Variants in SLIT2 observed in about 807,000 individuals in gnomAD.
SLIT2 encodes the protein slit homolog 2 protein.
Under a neutral mutation model 185.7 loss-of-function variants are expected in SLIT2, and 41 were observed. The ratio of observed to expected loss-of-function variants is 0.22; its 90% CI spans 0.17 to 0.29. The LOEUF (loss-of-function observed/expected upper bound fraction) is 0.29. Among genes scored for constraint, SLIT2 ranks in the 10% least tolerant of loss-of-function variants. The pLI, the probability that SLIT2 is intolerant of heterozygous loss-of-function variation, is 1.00. For synonymous variants in SLIT2, 693 were observed against 680.2 expected (o/e 1.02, Z -0.29); for missense variants, 1,571 against 1,909.0 (o/e 0.82, Z 3.30).
At chr4:20,297,654 G>A (rs2109097681) in intron 4 of SLIT2, among the ~76,000 whole-genome samples, 1 of 151,116 alleles carries the variant, frequency 6.6e-6, no homozygotes, top group Middle Eastern at 3.4e-3. Flanking sequence ...GTTAAGAGAT[G>A]CAATATGTAT....
chr4:20,608,010 A>G (rs1728920725), intron 33 of SLIT2, among the ~76,000 whole-genome samples: 1 of 152,172 alleles, frequency 6.6e-6, no homozygotes, highest in African/African-American at 2.4e-5. Flanking sequence ...ACATTATCTT[A>G]CAATCAATAT....
intron 4 of SLIT2, among the ~76,000 whole-genome samples, chr4:20,352,210 T>C (rs116396123): frequency 0.011 from 1,627 of 152,304 alleles, 8 homozygotes; most frequent in Middle Eastern, 0.027. Flanking sequence ...GAACTTAAAA[T>C]CATCACTGTA....
At chr4:20,414,040 CTT>C (rs1172852720) in intron 4 of SLIT2, among the ~76,000 whole-genome samples, 6 of 152,052 alleles carry the variant, frequency 3.9e-5, no homozygotes, top group Non-Finnish European at 8.8e-5. Context: ...GTTTTTCTCT[CTT>C]ATTGCTTCCA....
intron 4 of SLIT2, among the ~76,000 whole-genome samples, chr4:20,384,873 G>T (rs981423968): frequency 1.3e-5 from 2 of 152,146 alleles, no homozygotes; most frequent in African/African-American, 4.8e-5. Flanking sequence ...AGACTCAAGG[G>T]CCTGAGACAC....
intron 4 of SLIT2, among the ~76,000 whole-genome samples, chr4:20,371,869 A>G (rs1315385241): frequency 6.6e-6 from 1 of 151,960 alleles, no homozygotes; most frequent in African/African-American, 2.4e-5. Flanking sequence ...TAATTTGGTG[A>G]TTATCCATTT....
At chr4:20,552,942 A>C (rs973500828) in intron 25 of SLIT2, among the ~76,000 whole-genome samples, 8 of 152,204 alleles carry the variant, frequency 5.3e-5, no homozygotes, top group African/African-American at 1.9e-4. Flanking sequence ...ACTATTTAGG[A>C]TAAAATGAAG....
Position 20,382,642 on chromosome 4 carries a change from G to A in SLIT2, c.396-85110G>A, listed in dbSNP as rs1038841799. ...TGAACACTGAAAACAGCATTGCTGC[G>A]AAAGGTTAGAAAAGTTTCAAATAAA... On this transcript the variant is annotated intron_variant, in intron 4 of 36. Coordinates refer to ENST00000504154, the MANE Select transcript of SLIT2 (RefSeq NM_004787.4). Among the ~76,000 whole-genome samples, 10 of 152,036 alleles carry A rather than the reference G, an allele frequency of 6.6e-5. No individual in the cohort carries two copies. The East Asian group carries it at 7.7e-4, about 12-fold the overall frequency.
At chr4:20,542,294 A>G (rs1311197995) in intron 20 of SLIT2, among the ~76,000 whole-genome samples, 200 bp from the exon 21 acceptor site, 1 of 152,210 alleles carries the variant, frequency 6.6e-6, no homozygotes, top group African/African-American at 2.4e-5. Flanking sequence ...GCCATTTTCC[A>G]GAATTCTTCC....
chr4:20,255,934 T>C (rs1711776863), intron 1 of SLIT2, among the ~76,000 whole-genome samples: 2 of 152,184 alleles, frequency 1.3e-5, no homozygotes, highest in Admixed American at 1.3e-4. Flanking sequence ...AGGGCAAGTT[T>C]AGATCTTGAC....
At chr4:20,561,028 C>G (rs1724646865) in intron 26 of SLIT2, among the ~76,000 whole-genome samples, 1 of 151,694 alleles carries the variant, frequency 6.6e-6, no homozygotes, top group Non-Finnish European at 1.5e-5. Context: ...TATATCTATA[C>G]CAGATGACTA....
chr4:20,360,406 AAGAGGGC>A (rs1420742583), intron 4 of SLIT2, among the ~76,000 whole-genome samples: 1 of 152,160 alleles, frequency 6.6e-6, no homozygotes, highest in Non-Finnish European at 1.5e-5. Flanking sequence ...AGACAAATGC[AAGAGGGC>A]TTTAATATGA....
chr4:20,377,239 T>C (rs1162896667), intron 4 of SLIT2, among the ~76,000 whole-genome samples: 1 of 152,114 alleles, frequency 6.6e-6, no homozygotes, highest in Non-Finnish European at 1.5e-5. Context: ...AGAAAAATGT[T>C]ATCAAAATTT....
intron 4 of SLIT2, among the ~76,000 whole-genome samples, chr4:20,440,542 A>G (rs1039513284): frequency 1.3e-5 from 2 of 152,228 alleles, no homozygotes. Context: ...AAAAAAAGCA[A>G]CACTGAGATA....
intron 4 of SLIT2, chr4:20,364,378 A>G (rs553107782): frequency 1.7e-6 from 1 of 598,376 alleles, no homozygotes; most frequent in East Asian, 1.4e-4. Flanking sequence ...TCTACTGCAA[A>G]GAGAAAAAGA....
intron 4 of SLIT2, among the ~76,000 whole-genome samples, chr4:20,439,492 G>A (rs1443713067): frequency 6.6e-6 from 1 of 152,172 alleles, no homozygotes; most frequent in African/African-American, 2.4e-5. Flanking sequence ...TCATCTTCAT[G>A]TGATGTTCTG....
At chr4:20,466,407 A>G (rs1253398239) in intron 4 of SLIT2, among the ~76,000 whole-genome samples, 1 of 152,184 alleles carries the variant, frequency 6.6e-6, no homozygotes, top group African/African-American at 2.4e-5. Flanking sequence ...CTTAACTCCT[A>G]CATAAGCACA....
intron 4 of SLIT2, among the ~76,000 whole-genome samples, chr4:20,278,682 G>T (rs1577358483): frequency 6.6e-6 from 1 of 152,006 alleles, no homozygotes; most frequent in East Asian, 1.9e-4. Context: ...AAGTATAAAA[G>T]AGTGAAAGAC....
At chr4:20,330,138 A>C (rs1293557266) in intron 4 of SLIT2, among the ~76,000 whole-genome samples, 1 of 151,926 alleles carries the variant, frequency 6.6e-6, no homozygotes, top group African/African-American at 2.4e-5. Flanking sequence ...GGCAGTGTTG[A>C]TTGTGCAAAT....
intron 5 of SLIT2, among the ~76,000 whole-genome samples, chr4:20,477,195 A>ATT (rs34247605): frequency 7.1e-6 from 1 of 141,148 alleles, no homozygotes; most frequent in African/African-American, 2.6e-5. Context: ...AGAGATCATG[A>ATT]TTTTTTTTTT....
Sources: allele counts gnomAD v4.1 joint callset (sites outside exome capture counted in the v4.1 genomes callset), GRCh38; gene constraint gnomAD v4.1.1; transcripts MANE v1.5; gene names NCBI Gene and HGNC (gene_info 2026-07-23, HGNC 2026-07-21).